Variants in COL19A1 observed in about 807,000 individuals in gnomAD.
The protein encoded by COL19A1 is collagen type XIX alpha 1 chain, also known as collagen alpha-1(XIX) chain.
In COL19A1, 159 loss-of-function variants were observed where a neutral mutation model predicts 190.2. That is an observed-to-expected ratio of 0.84 (90% CI 0.73 to 0.95). The LOEUF is 0.95. Ranked by LOEUF, COL19A1 falls within the 40% of genes least tolerant of loss-of-function variation. COL19A1 has a pLI of 0.00. For synonymous variants in COL19A1, 509 were observed against 458.9 expected, an observed-to-expected ratio of 1.11 and a Z score of -1.39; for missense variants, 1,418 against 1,431.9, an observed-to-expected ratio of 0.99 and a Z score of 0.16.
intron 14 of COL19A1, among the ~76,000 whole-genome samples, chr6:70,043,193 C>T (rs113417863): frequency 1.4e-5 from 2 of 145,314 alleles, no homozygotes; most frequent in Non-Finnish European, 3.0e-5. Flanking sequence ...ATTTCTTCTT[C>T]TTTTTTTTTT....
chr6:69,916,453 A>G (rs995767096), intron 4 of COL19A1, among the ~76,000 whole-genome samples: 1 of 152,208 alleles, frequency 6.6e-6, no homozygotes, highest in African/African-American at 2.4e-5. Flanking sequence ...CTTGTTTAGC[A>G]TGGCTATCTT....
At chr6:70,003,395 C>T (rs956735574) in intron 11 of COL19A1, among the ~76,000 whole-genome samples, 3 of 152,116 alleles carry the variant, frequency 2.0e-5, no homozygotes, top group Non-Finnish European at 4.4e-5. Context: ...TCCACTTGAT[C>T]CAGAGCTGAG....
At chr6:70,196,619 A>G (rs970669904) in intron 48 of COL19A1, among the ~76,000 whole-genome samples, 1 of 152,178 alleles carries the variant, frequency 6.6e-6, no homozygotes, top group African/African-American at 2.4e-5. Context: ...TAATGTCTGT[A>G]TTATATTAAG....
At chr6:70,090,200 T>C (rs776679674) in intron 15 of COL19A1, among the ~76,000 whole-genome samples, 11 of 151,748 alleles carry the variant, frequency 7.2e-5, no homozygotes, top group Non-Finnish European at 1.3e-4. Flanking sequence ...GATTTGCACA[T>C]GGAAATGGAA....
At chr6:70,002,966 T>A (rs1349610295) in intron 11 of COL19A1, among the ~76,000 whole-genome samples, 1 of 152,122 alleles carries the variant, frequency 6.6e-6, no homozygotes, top group Non-Finnish European at 1.5e-5. Flanking sequence ...CTCTTTTAAT[T>A]GTGATGTTAG....
At chr6:70,022,003 G>A (rs74876414) in intron 11 of COL19A1, among the ~76,000 whole-genome samples, 2,563 of 152,020 alleles carry the variant, frequency 0.017, 76 homozygotes, top group African/African-American at 0.058. Context: ...CAGTGATTAC[G>A]TTATTTTTTA....
chr6:70,033,765 T>A (rs1395582998), intron 12 of COL19A1, among the ~76,000 whole-genome samples: 1 of 152,206 alleles, frequency 6.6e-6, no homozygotes, highest in Non-Finnish European at 1.5e-5. Context: ...GCTCCAGTTG[T>A]ATGATAGCAA....
chr6:70,147,349 G>C (rs1348597882), intron 27 of COL19A1, among the ~76,000 whole-genome samples: 1 of 152,020 alleles, frequency 6.6e-6, no homozygotes, highest in Admixed American at 6.6e-5. Flanking sequence ...GTTTTCAATG[G>C]TAAAAATAAA....
chr6:70,136,394 A>G (rs1785875190), intron 18 of COL19A1, among the ~76,000 whole-genome samples: 1 of 152,156 alleles, frequency 6.6e-6, no homozygotes, highest in Non-Finnish European at 1.5e-5. Context: ...CAAAGTGCCC[A>G]TCGGTGGGGC....
At chr6:69,898,909 A>G in intron 2 of COL19A1, 39 bp from the exon 3 acceptor site, 1 of 1,229,012 alleles carries the variant, frequency 8.1e-7, no homozygotes, top group Non-Finnish European at 1.2e-6. Context: ...AAATTCATAC[A>G]TAATGCAAAT....
At chr6:70,134,877 A>G (rs1178939931) in intron 18 of COL19A1, among the ~76,000 whole-genome samples, 1 of 152,192 alleles carries the variant, frequency 6.6e-6, no homozygotes. Context: ...CAATTCTGAC[A>G]CTATTTACCT....
At chr6:69,984,218 A>C (rs1776195226) in intron 11 of COL19A1, among the ~76,000 whole-genome samples, 1 of 152,072 alleles carries the variant, frequency 6.6e-6, no homozygotes, top group Admixed American at 6.5e-5. Context: ...TGAAGTTTCT[A>C]TTTCTGCAGT....
chr6:70,062,999 C>A (rs1273935242), intron 14 of COL19A1, among the ~76,000 whole-genome samples: 7 of 152,112 alleles, frequency 4.6e-5, no homozygotes, highest in African/African-American at 9.7e-5. Flanking sequence ...TAGAGACCTA[C>A]AAAGAGCCTT....
At chr6:69,923,358 C>A (rs1470964165) in intron 4 of COL19A1, among the ~76,000 whole-genome samples, 6 of 152,114 alleles carry the variant, frequency 3.9e-5, no homozygotes, top group Admixed American at 3.9e-4. Context: ...AGCTGCCTAG[C>A]AGCTGCTGGA....
At chr6:70,179,923 C>T (rs756099914) in intron 42 of COL19A1, among the ~76,000 whole-genome samples, 11 of 152,112 alleles carry the variant, frequency 7.2e-5, no homozygotes, top group Non-Finnish European at 1.6e-4. Flanking sequence ...CACTCCGTCA[C>T]CCAGGCTGGA....
At chr6:70,103,954 G>C (rs1003879754) in intron 16 of COL19A1, among the ~76,000 whole-genome samples, 1 of 152,204 alleles carries the variant, frequency 6.6e-6, no homozygotes, top group Non-Finnish European at 1.5e-5. Context: ...TTAAAACCAG[G>C]TAAGTGACCT....
At chr6:70,153,057 T>C (rs1477646816) in intron 31 of COL19A1, among the ~76,000 whole-genome samples, 4 of 152,120 alleles carry the variant, frequency 2.6e-5, no homozygotes, top group Non-Finnish European at 5.9e-5. Flanking sequence ...ACTAAGGTTC[T>C]GAGTCCATAA....
At chr6:69,900,054 C>T (rs1025040273) in intron 3 of COL19A1, among the ~76,000 whole-genome samples, 185 bp from the exon 4 acceptor site, 1 of 151,958 alleles carries the variant, frequency 6.6e-6, no homozygotes, top group Non-Finnish European at 1.5e-5. Context: ...GTTCTATATG[C>T]AAAGTGAATT....
At chr6:69,996,902 T>C (rs1266381243) in intron 11 of COL19A1, among the ~76,000 whole-genome samples, 1 of 150,558 alleles carries the variant, frequency 6.6e-6, no homozygotes, top group East Asian at 1.9e-4. Flanking sequence ...ACATAATCTC[T>C]CTCTCAAAAA....
Sources: allele counts gnomAD v4.1 joint callset (sites outside exome capture counted in the v4.1 genomes callset), GRCh38; gene constraint gnomAD v4.1.1; transcripts MANE v1.5; gene names NCBI Gene and HGNC (gene_info 2026-07-23, HGNC 2026-07-21).